The following BTRC variants were observed in gnomAD, a reference collection of about 807,000 sequenced individuals.
The protein encoded by BTRC is beta-transducin repeat containing E3 ubiquitin protein ligase, also known as F-box/WD repeat-containing protein 1A.
BTRC carries 42 observed loss-of-function variants against 85.5 expected under a neutral mutation model. The ratio of observed to expected loss-of-function variants is 0.49; its 90% CI spans 0.38 to 0.64. BTRC has a LOEUF of 0.64. Ranked by LOEUF, BTRC falls within the 30% of genes least tolerant of loss-of-function variation. The pLI, the probability that BTRC is intolerant of heterozygous loss-of-function variation, is 0.00. For missense variants in BTRC, 594 were observed against 743.5 expected (o/e 0.80, Z 2.34); for synonymous variants, 255 against 263.3 (o/e 0.97, Z 0.30).
chr10:101,377,740 T>A (rs572980051), intron 1 of BTRC, among the ~76,000 whole-genome samples: 2 of 152,324 alleles, frequency 1.3e-5, no homozygotes, highest in African/African-American at 4.8e-5. Context: ...AAAGACTTCA[T>A]TAATATTTTT....
At chr10:101,451,384 T>C (rs1944951886) in intron 2 of BTRC, among the ~76,000 whole-genome samples, 1 of 152,180 alleles carries the variant, frequency 6.6e-6, no homozygotes, top group African/African-American at 2.4e-5. Context: ...CCCAGTTACT[T>C]TCTTAGAATT....
intron 1 of BTRC, among the ~76,000 whole-genome samples, chr10:101,424,559 C>T (rs1944198088): frequency 6.6e-6 from 1 of 152,086 alleles, no homozygotes; most frequent in Admixed American, 6.5e-5. Flanking sequence ...AGAAGTTGAC[C>T]AACAGGGACC....
At chr10:101,490,393 T>TA (rs1946099511) in intron 4 of BTRC, among the ~76,000 whole-genome samples, 1 of 152,226 alleles carries the variant, frequency 6.6e-6, no homozygotes, top group East Asian at 1.9e-4. Context: ...GTTACTTATT[T>TA]GGATTCTCAT....
Position 101,360,370 on chromosome 10 carries a change from C to CTTT in BTRC, c.48+6161_48+6163dup, listed in dbSNP as rs35794052. On this transcript the variant is annotated intron_variant, in intron 1 of 14. Coordinates refer to ENST00000370187, the MANE Select transcript of BTRC (RefSeq NM_033637.4). ...ATGCCTGGCCTAGAGATGGGATCTGCTTTTTTTTTTTTTTTTTTTTTGAGA... is the reference window on the plus strand; with the variant it reads ...ATGCCTGGCCTAGAGATGGGATCTGCTTTTTTTTTTTTTTTTTTTTTTTTGAGA... Among the ~76,000 whole-genome samples, 280 of 89,928 alleles carry CTTT rather than the reference C, an allele frequency of 3.1e-3. 6 individuals carry two copies. The highest frequency in any genetic ancestry group is 0.011 in the African/African-American group (253 of 23,664). The allele number at this position is 89,928 out of a possible 152,430, so 59.0% of individuals were successfully genotyped here. A position where few individuals can be genotyped will look rare whatever the true frequency, so the allele number is the denominator to read the frequency against.
At chr10:101,499,061 T>C (rs886685174) in intron 4 of BTRC, among the ~76,000 whole-genome samples, 2 of 152,140 alleles carry the variant, frequency 1.3e-5, no homozygotes, top group African/African-American at 4.8e-5. Context: ...TAGATCCTGT[T>C]CCAAGTATTT....
Position 101,554,207 on chromosome 10 carries a change from A to T in BTRC, c.*1084A>T, listed in dbSNP as rs900810833. ...AACAATTGGGTGTGTAATAAAAAGC[A>T]TTGTACTTCATCTTAAATCACTGGT... On this transcript the variant is annotated 3_prime_UTR_variant, in exon 15 of 15. Coordinates refer to ENST00000370187, the MANE Select transcript of BTRC (RefSeq NM_033637.4). 1 of 152,206 alleles carries T rather than the reference A, an allele frequency of 6.6e-6. No individual in the cohort carries two copies. The highest frequency in any genetic ancestry group is 2.4e-5 in the African/African-American group (1 of 41,450). 9.4% of individuals were successfully genotyped at this position (152,206 alleles called of 1,614,324 possible). A position where few individuals can be genotyped will look rare whatever the true frequency, so the allele number is the denominator to read the frequency against.
chr10:101,506,056 G>T (rs369928321), intron 4 of BTRC, among the ~76,000 whole-genome samples: 1 of 152,036 alleles, frequency 6.6e-6, no homozygotes, highest in Middle Eastern at 3.4e-3. Context: ...TGGGACTACC[G>T]GTGCCGGCCA....
At chr10:101,383,366 G>T in intron 1 of BTRC, among the ~76,000 whole-genome samples, 1 of 150,040 alleles carries the variant, frequency 6.7e-6, no homozygotes, top group African/African-American at 2.4e-5. Context: ...ACACTTTGAG[G>T]ACTGCTGTGG....
At chr10:101,522,746 C>T (rs2062136424) in intron 5 of BTRC, among the ~76,000 whole-genome samples, 1 of 151,770 alleles carries the variant, frequency 6.6e-6, no homozygotes, top group Admixed American at 6.6e-5. Flanking sequence ...TATCTTCTTA[C>T]TCATGCCCTT....
At chr10:101,415,652 C>T (rs1943925495) in intron 1 of BTRC, among the ~76,000 whole-genome samples, 1 of 151,318 alleles carries the variant, frequency 6.6e-6, no homozygotes, top group African/African-American at 2.4e-5. Context: ...AGCGATTCTC[C>T]TGCCTCAACC....
intron 5 of BTRC, among the ~76,000 whole-genome samples, chr10:101,522,409 C>CTGTTTTTTTTTT: frequency 3.4e-5 from 1 of 29,536 alleles, no homozygotes; most frequent in Non-Finnish European, 5.7e-5. Context: ...ATAAAGACTC[C>CTGTTTTTTTTTT]TTTTTTTTTT....
At chr10:101,440,967 A>G (rs1944664349) in intron 2 of BTRC, among the ~76,000 whole-genome samples, 2 of 152,230 alleles carry the variant, frequency 1.3e-5, no homozygotes, top group Admixed American at 6.5e-5. Flanking sequence ...AAGGAGGGAT[A>G]TTAAGAACTA....
intron 3 of BTRC, among the ~76,000 whole-genome samples, chr10:101,474,670 T>C (rs1486370674): frequency 6.6e-6 from 1 of 152,258 alleles, no homozygotes; most frequent in Non-Finnish European, 1.5e-5. Flanking sequence ...TTTTGAACTC[T>C]TATCACTTGA....
intron 1 of BTRC, among the ~76,000 whole-genome samples, chr10:101,417,631 A>G (rs1943981720): frequency 6.6e-6 from 1 of 152,106 alleles, no homozygotes; most frequent in South Asian, 2.1e-4. Flanking sequence ...GTATTTTGAG[A>G]CTATTTAAGT....
intron 8 of BTRC, 142 bp from the exon 9 acceptor site, chr10:101,532,810 G>C: frequency 1.5e-6 from 1 of 676,534 alleles, no homozygotes; most frequent in South Asian, 1.8e-5. Flanking sequence ...GCGCGCGCGC[G>C]CTTAGCTATA....
intron 1 of BTRC, among the ~76,000 whole-genome samples, chr10:101,402,298 G>C (rs1285466112): frequency 6.6e-6 from 1 of 152,170 alleles, no homozygotes; most frequent in Non-Finnish European, 1.5e-5. Flanking sequence ...TAGTAACCCT[G>C]CTCTACAAAG....
At chr10:101,416,835 C>A (rs984518235) in intron 1 of BTRC, among the ~76,000 whole-genome samples, 1 of 152,192 alleles carries the variant, frequency 6.6e-6, no homozygotes, top group African/African-American at 2.4e-5. Flanking sequence ...TCATGGCTTC[C>A]ATTTTCTATA....
chr10:101,529,779 G>T (rs1328476964), intron 6 of BTRC, among the ~76,000 whole-genome samples: 1 of 152,126 alleles, frequency 6.6e-6, no homozygotes, highest in Non-Finnish European at 1.5e-5. Flanking sequence ...AGAGGGCAGG[G>T]GAGAAACACT....
intron 13 of BTRC, among the ~76,000 whole-genome samples, chr10:101,543,139 A>G (rs1029828431): frequency 2.0e-5 from 3 of 152,158 alleles, no homozygotes; most frequent in Non-Finnish European, 4.4e-5. Context: ...CGGCCTCCCA[A>G]AGTGTTGGGA....
Sources: gnomAD v4.1 joint callset for allele counts (sites outside exome capture counted in the v4.1 genomes callset) on GRCh38, gnomAD v4.1.1 for gene constraint, MANE v1.5 for transcripts, NCBI Gene and HGNC (gene_info 2026-07-23, HGNC 2026-07-21) for gene names.